RBFOX1: variants seen among roughly 807,000 people sequenced by gnomAD.
The protein encoded by RBFOX1 is RNA binding protein fox-1 homolog 1.
Under a neutral mutation model 57.7 loss-of-function variants are expected in RBFOX1, and 8 were observed. The ratio of observed to expected loss-of-function variants is 0.14; its 90% CI spans 0.08 to 0.25. The LOEUF (loss-of-function observed/expected upper bound fraction) is 0.25, where lower values mean the gene tolerates loss of function less well. Among genes scored for constraint, RBFOX1 ranks in the 10% least tolerant of loss-of-function variants. RBFOX1 has a pLI of 1.00. For missense variants in RBFOX1, 611 were observed against 548.5 expected (o/e 1.11, Z -1.14); for synonymous variants, 326 against 222.4 (o/e 1.47, Z -4.15).
At chr16:7,069,247 T>C (rs775069376) in intron 4 of RBFOX1, among the ~76,000 whole-genome samples, 2 of 152,202 alleles carry the variant, frequency 1.3e-5, no homozygotes, top group Non-Finnish European at 2.9e-5. Context: ...GCAGGTTTGT[T>C]ACATAGGTAA....
intron 4 of RBFOX1, among the ~76,000 whole-genome samples, chr16:7,371,252 C>G (rs569344479): frequency 5.3e-5 from 8 of 152,130 alleles, no homozygotes; most frequent in Non-Finnish European, 1.2e-4. Context: ...AAGAAGTAAA[C>G]AAATGTGCCA....
At chr16:5,280,669 G>T (rs538156791) in intron 1 of RBFOX1, among the ~76,000 whole-genome samples, 2 of 152,262 alleles carry the variant, frequency 1.3e-5, no homozygotes, top group South Asian at 4.1e-4. Flanking sequence ...GGTAGGCTGT[G>T]TATGTCTGGG....
chr16:6,593,572 C>G (rs2097744895), intron 2 of RBFOX1, among the ~76,000 whole-genome samples: 1 of 152,094 alleles, frequency 6.6e-6, no homozygotes, highest in African/African-American at 2.4e-5. Flanking sequence ...TATTTGTTTT[C>G]ATTTGTTGCT....
chr16:7,682,532 G>A (rs974288592), intron 14 of RBFOX1, among the ~76,000 whole-genome samples: 2 of 150,088 alleles, frequency 1.3e-5, no homozygotes, highest in Non-Finnish European at 1.5e-5. Context: ...TGAAGAAGCT[G>A]TTCTTGGTTT....
chr16:6,593,295 A>T (rs192215160), intron 2 of RBFOX1, among the ~76,000 whole-genome samples: 2 of 152,310 alleles, frequency 1.3e-5, no homozygotes, highest in Admixed American at 1.3e-4. Context: ...ATTGCTCAAT[A>T]CAGGGTGTAA....
At chr16:5,854,966 C>G (rs2056988085) in intron 3 of RBFOX1, among the ~76,000 whole-genome samples, 1 of 152,226 alleles carries the variant, frequency 6.6e-6, no homozygotes, top group East Asian at 1.9e-4. Flanking sequence ...TGCATTGCCC[C>G]AATAATTAGT....
intron 2 of RBFOX1, among the ~76,000 whole-genome samples, chr16:6,479,277 T>G (rs1477795553): frequency 6.6e-6 from 1 of 152,158 alleles, no homozygotes; most frequent in African/African-American, 2.4e-5. Context: ...AGTAGACACA[T>G]CTTACATGGC....
rs148077719 is a variant in RBFOX1 at position 5,788,511 on chromosome 16, C to G, written c.319-78792C>G. Among the ~76,000 whole-genome samples the G allele has an allele frequency of 1.2e-3, 190 of 152,234 alleles. 2 individuals carry two copies. The East Asian group carries it at 0.015, about 12-fold the overall frequency. ...GGGCATGGTGGCAGGTGCCTGAAGT[C>G]CCAGCTAGTTGGGAGGCTGAGGCAG... is the stretch of plus-strand genomic sequence containing the variant. On this transcript the variant is annotated intron_variant, in intron 3 of 19. Coordinates refer to the RBFOX1 transcript ENST00000641259.
At chr16:6,744,272 C>G (rs942646864) in intron 3 of RBFOX1, among the ~76,000 whole-genome samples, 1 of 152,054 alleles carries the variant, frequency 6.6e-6, no homozygotes. Context: ...CAGTGCTAGT[C>G]TCTCAATAAC....
chr16:5,905,643 T>A (rs1288609052), intron 4 of RBFOX1, among the ~76,000 whole-genome samples: 1 of 152,118 alleles, frequency 6.6e-6, no homozygotes, highest in Non-Finnish European at 1.5e-5. Flanking sequence ...TGCAGTACGC[T>A]GTGAACATAC....
chr16:7,505,389 A>C (rs2072935214), intron 4 of RBFOX1, among the ~76,000 whole-genome samples: 1 of 152,172 alleles, frequency 6.6e-6, no homozygotes, highest in African/African-American at 2.4e-5. Context: ...AGACCCTGGA[A>C]AAGTGAGAAA....
intron 2 of RBFOX1, among the ~76,000 whole-genome samples, chr16:6,589,494 T>A (rs554586955): frequency 6.6e-6 from 1 of 152,318 alleles, no homozygotes; most frequent in South Asian, 2.1e-4. Context: ...ATGAGCCAGT[T>A]GATCCATATG....
intron 3 of RBFOX1, among the ~76,000 whole-genome samples, chr16:5,729,795 G>A (rs1410491529): frequency 6.6e-6 from 1 of 152,166 alleles, no homozygotes; most frequent in African/African-American, 2.4e-5. Context: ...GTGTTAAGGT[G>A]AATAGCAAGG....
At chr16:6,931,579 T>C (rs2076568744) in intron 3 of RBFOX1, among the ~76,000 whole-genome samples, 1 of 152,128 alleles carries the variant, frequency 6.6e-6, no homozygotes, top group Admixed American at 6.5e-5. Flanking sequence ...CTTGCCACCC[T>C]ACAATGGACA....
At chr16:7,251,671 C>T (rs983691681) in intron 4 of RBFOX1, among the ~76,000 whole-genome samples, 80 of 152,270 alleles carry the variant, frequency 5.3e-4, no homozygotes, top group African/African-American at 1.8e-3. Context: ...CTGCTCACCT[C>T]AGCCTCGCAA....
chr16:7,068,491 A>G (rs1245435178), intron 4 of RBFOX1, among the ~76,000 whole-genome samples: 6 of 152,186 alleles, frequency 3.9e-5, no homozygotes, highest in Admixed American at 6.5e-5. Context: ...CCCTACTGGC[A>G]TTCATTGCTT....
intron 4 of RBFOX1, among the ~76,000 whole-genome samples, chr16:7,089,332 A>G (rs1461451992): frequency 1.3e-5 from 2 of 152,222 alleles, no homozygotes; most frequent in Non-Finnish European, 2.9e-5. Flanking sequence ...CTGAATTCTC[A>G]TAACATTTAT....
intron 4 of RBFOX1, among the ~76,000 whole-genome samples, chr16:7,155,738 T>TATAC (rs1364155897): frequency 1.2e-4 from 9 of 75,526 alleles, no homozygotes; most frequent in Admixed American, 1.0e-3. Context: ...TATATATATA[T>TATAC]ACACACACAC....
chr16:7,192,622 T>G (rs2085700664), intron 4 of RBFOX1, among the ~76,000 whole-genome samples: 1 of 152,148 alleles, frequency 6.6e-6, no homozygotes, highest in South Asian at 2.1e-4. Flanking sequence ...ATGGAAAAAC[T>G]AATGCAATAG....
Sources: allele counts gnomAD v4.1 joint callset (sites outside exome capture counted in the v4.1 genomes callset), GRCh38; gene constraint gnomAD v4.1.1; transcripts MANE v1.5; gene names NCBI Gene and HGNC (gene_info 2026-07-23, HGNC 2026-07-21).